PBLD: variants seen among roughly 807,000 people sequenced by gnomAD.
PBLD encodes phenazine biosynthesis-like domain-containing protein.
In PBLD, 26 loss-of-function variants were observed where a neutral mutation model predicts 31.3. The observed-to-expected ratio is 0.83, with a 90% CI of 0.61 to 1.15. PBLD has a LOEUF of 1.15. PBLD is among the 50% of genes most tolerant of loss of function. PBLD has a pLI of 0.00. For synonymous variants in PBLD, 114 were observed against 129.0 expected, an observed-to-expected ratio of 0.88 and a Z score of 0.79; for missense variants, 307 against 351.7, an observed-to-expected ratio of 0.87 and a Z score of 1.02.
At chr10:68,305,432 C>T (rs2044563972) in intron 2 of PBLD, among the ~76,000 whole-genome samples, 1 of 151,662 alleles carries the variant, frequency 6.6e-6, no homozygotes, top group Non-Finnish European at 1.5e-5. Context: ...ATCATGATTG[C>T]ACACTGGAAT....
At chr10:68,320,982 C>T (rs1338595149) in intron 1 of PBLD, among the ~76,000 whole-genome samples, 2 of 151,960 alleles carry the variant, frequency 1.3e-5, no homozygotes, top group African/African-American at 4.8e-5. Flanking sequence ...CCACCACGCC[C>T]AGCTAACTTT....
At chr10:68,292,288 C>T (rs372255284) in intron 4 of PBLD, 50 bp from the exon 5 acceptor site, 64 of 1,452,878 alleles carry the variant, frequency 4.4e-5, no homozygotes, top group South Asian at 2.2e-4. Flanking sequence ...GTCATATATG[C>T]GCATGTCCAT....
In PBLD at chr10:68,302,859, T is replaced by A. The variant is rs1193274405; in HGVS notation, c.84+3902A>T. On this transcript the variant is annotated intron_variant, in intron 2 of 9. Coordinates refer to ENST00000358769, the MANE Select transcript of PBLD (RefSeq NM_022129.4). ...CTGTCTCTGGAAAAAAAAAAAAAAATTAGAATTTAAAAAAAAAAAAGCACC... is the reference window on the plus strand; with the variant it reads ...CTGTCTCTGGAAAAAAAAAAAAAAAATAGAATTTAAAAAAAAAAAAGCACC... 1.7e-3 allele frequency among the ~76,000 whole-genome samples: 216 copies of A among 129,018 alleles called. 1 individual carries two copies. Among genetic ancestry groups the A allele is most frequent in the African/African-American group, 5.6e-3 (213 of 38,362 alleles). 84.6% of individuals were successfully genotyped at this position (129,018 alleles called of 152,430 possible). A position where few individuals can be genotyped will look rare whatever the true frequency, so the allele number is the denominator to read the frequency against.
Position 68,283,874 on chromosome 10 carries a change from G to A in PBLD, c.*303C>T. The A allele has an allele frequency of 3.8e-6, 1 of 262,300 alleles. No homozygotes were observed. The highest frequency in any genetic ancestry group is 4.5e-5 in the South Asian group (1 of 22,342). 16.2% of individuals were successfully genotyped at this position (262,300 alleles called of 1,614,324 possible). On this transcript the variant is annotated 3_prime_UTR_variant, in exon 10 of 10. Transcript: ENST00000358769. ...GATTCTCCATGCCTCAGCCTCCCAA[G>A]TAGCTGGAATTACAGGCATGTGGCA...
At chr10:68,329,877 TA>T (rs1236055397) in intron 1 of PBLD, among the ~76,000 whole-genome samples, 1 of 152,150 alleles carries the variant, frequency 6.6e-6, no homozygotes, top group Non-Finnish European at 1.5e-5. Flanking sequence ...GGCCCTTGGG[TA>T]AAACCCTATG....
intron 2 of PBLD, among the ~76,000 whole-genome samples, chr10:68,304,856 A>G (rs899460208): frequency 2.6e-5 from 4 of 152,224 alleles, no homozygotes; most frequent in African/African-American, 9.6e-5. Flanking sequence ...AAGAAAGGTC[A>G]TGACTTGGAA....
chr10:68,288,886 G>A (rs1313342166), intron 7 of PBLD, 45 bp downstream of exon 7: 21 of 1,530,024 alleles, frequency 1.4e-5, no homozygotes, highest in Non-Finnish European at 9.1e-7. Context: ...TATAAATCTG[G>A]GTACTCAGCC....
At chr10:68,327,673 CAAAAAAA>C (rs35759039) in intron 1 of PBLD, among the ~76,000 whole-genome samples, 5 of 68,822 alleles carry the variant, frequency 7.3e-5, no homozygotes, top group African/African-American at 2.4e-4. Context: ...GACTCCACCT[CAAAAAAA>C]AAAAAAAAAA....
chr10:68,290,657 T>C (rs767247564), intron 6 of PBLD, among the ~76,000 whole-genome samples: 11 of 151,126 alleles, frequency 7.3e-5, no homozygotes, highest in Non-Finnish European at 1.3e-4. Flanking sequence ...GTGAAGGTTG[T>C]GGTGAGCCAA....
chr10:68,289,694 T>TACACACACACACAC (rs1187540300), intron 6 of PBLD, among the ~76,000 whole-genome samples: 1 of 146,250 alleles, frequency 6.8e-6, no homozygotes, highest in Non-Finnish European at 1.5e-5. Flanking sequence ...CACACACACA[T>TACACACACACACAC]ATCTTGACCC....
chr10:68,291,945 A>G, intron 6 of PBLD, 65 bp downstream of exon 6: 1 of 1,460,154 alleles, frequency 6.8e-7, no homozygotes, highest in Non-Finnish European at 9.5e-7. Flanking sequence ...GGATCAAATG[A>G]TACCAAATCT....
At chr10:68,289,695 A>ACACACACACACACACACC (rs1174158856) in intron 6 of PBLD, among the ~76,000 whole-genome samples, 1 of 148,910 alleles carries the variant, frequency 6.7e-6, no homozygotes, top group Non-Finnish European at 1.5e-5. Context: ...ACACACACAT[A>ACACACACACACACACACC]TCTTGACCCA....
At position 68,284,192 on chromosome 10, in the gene PBLD, G is replaced by C; in HGVS notation, c.852C>G (p.Gly284=). The change falls in exon 10 of 10, where the codon GGC becomes GGG. Residue 284 remains glycine (G), a synonymous_variant. Transcript: ENST00000358769. The part of the protein sequence containing the change: ...IRGGAAVVLE[G]TLTA ...ATAACCACCTCTAGGCTGTCAGTGT[G>C]CCCTCTAAAACAACAGCTGCACCTC... 6.2e-7 allele frequency: 1 copy of C among 1,613,766 alleles called. No homozygotes were observed. Among genetic ancestry groups the C allele is most frequent in the Non-Finnish European group, 8.5e-7 (1 of 1,179,756 alleles).
At position 68,324,323 on chromosome 10, in the gene PBLD, C is replaced by T. The variant is rs563564458; in HGVS notation, c.-60+8461G>A. Among the ~76,000 whole-genome samples the T allele has an allele frequency of 9.3e-4, 140 of 150,990 alleles. 1 individual carries two copies. Among genetic ancestry groups the T allele is most frequent in the Admixed American group, 1.5e-3 (23 of 15,150 alleles). Reference sequence around the variant, plus strand: ...TCTCAAGTAGCTGGGACTACAGGTGCGCGCCACCATGCCCAGCTAATTTTT... The same window carrying T: ...TCTCAAGTAGCTGGGACTACAGGTGTGCGCCACCATGCCCAGCTAATTTTT... On this transcript the variant is annotated intron_variant, in intron 1 of 9. Transcript: ENST00000358769.
intron 6 of PBLD, 39 bp downstream of exon 6, chr10:68,291,971 A>AT (rs775981420): frequency 1.0e-4 from 161 of 1,535,824 alleles, no homozygotes; most frequent in Non-Finnish European, 1.4e-4. Context: ...TGCAAACAAT[A>AT]ACAAATAACT....
At chr10:68,296,457 G>T in intron 3 of PBLD, 93 bp from the exon 4 acceptor site, 1 of 912,636 alleles carries the variant, frequency 1.1e-6, no homozygotes, top group Non-Finnish European at 1.7e-6. Context: ...TAGTTCTCTA[G>T]CATGATGAGT....
chr10:68,307,756 C>T (rs2044602421), intron 1 of PBLD, among the ~76,000 whole-genome samples: 1 of 152,164 alleles, frequency 6.6e-6, no homozygotes, highest in Non-Finnish European at 1.5e-5. Flanking sequence ...GCCTCGGCCT[C>T]CCAAAGTGCT....
intron 1 of PBLD, among the ~76,000 whole-genome samples, chr10:68,330,314 A>G (rs138837214): frequency 7.9e-5 from 12 of 152,240 alleles, no homozygotes; most frequent in Admixed American, 4.6e-4. Flanking sequence ...TCTCCATCCT[A>G]CACACTGCAG....
At chr10:68,290,679 T>G (rs756532458) in intron 6 of PBLD, among the ~76,000 whole-genome samples, 10 of 152,098 alleles carry the variant, frequency 6.6e-5, no homozygotes, top group Admixed American at 2.0e-4. Flanking sequence ...ATCACACCAT[T>G]GCACTCCAAC....
Sources: gnomAD v4.1 joint callset for allele counts (sites outside exome capture counted in the v4.1 genomes callset) on GRCh38, gnomAD v4.1.1 for gene constraint, MANE v1.5 for transcripts, NCBI Gene and HGNC (gene_info 2026-07-23, HGNC 2026-07-21) for gene names.